Variants in ESRRG observed in about 807,000 individuals in gnomAD.
ESRRG encodes estrogen-related receptor gamma.
In ESRRG, 13 loss-of-function variants were observed where a neutral mutation model predicts 44.0. The ratio of observed to expected loss-of-function variants is 0.30; its 90% confidence interval spans 0.19 to 0.47. The LOEUF (loss-of-function observed/expected upper bound fraction) is 0.47. Among genes scored for constraint, ESRRG ranks in the 20% least tolerant of loss-of-function variants. ESRRG has a pLI of 1.00. For synonymous variants in ESRRG, 215 were observed against 214.6 expected (o/e 1.00, Z -0.02); for missense variants, 395 against 580.6 (o/e 0.68, Z 3.29).
At chr1:216,588,816 T>C (rs1857401) in intron 3 of ESRRG, among the ~76,000 whole-genome samples, 70,949 of 152,048 alleles carry the variant, frequency 0.47, 18,407 homozygotes, top group African/African-American at 0.71. Flanking sequence ...AAGCAGATAA[T>C]TGATTCATTG....
intron 2 of ESRRG, among the ~76,000 whole-genome samples, chr1:216,880,966 A>G (rs899740288): frequency 6.6e-6 from 1 of 152,202 alleles, no homozygotes; most frequent in Admixed American, 6.5e-5. Flanking sequence ...GAACCTAAAG[A>G]TAAAATATAA....
intron 5 of ESRRG, among the ~76,000 whole-genome samples, chr1:216,529,742 TTAA>T (rs2048731845): frequency 6.6e-6 from 1 of 152,190 alleles, no homozygotes. Context: ...CACGTGAAGT[TTAA>T]TAATAATATT....
Position 216,775,551 on chromosome 1 carries a change from C to CTTTTTTTTTTT in ESRRG, c.-13-98071_-13-98061dup, listed in dbSNP as rs71163765. Among the ~76,000 whole-genome samples, 27 of 74,828 alleles carry CTTTTTTTTTTT rather than the reference C, an allele frequency of 3.6e-4. 3 individuals are homozygous for CTTTTTTTTTTT. The highest frequency in any genetic ancestry group is 5.7e-4 in the Non-Finnish European group (20 of 35,280). 49.1% of individuals were successfully genotyped at this position (74,828 alleles called of 152,430 possible). ...TTCCCACCTAAATAAAATGTCACATCTTTTTTTTTTTTTTTTTTTTTTTTT... is the reference window on the plus strand; with the variant it reads ...TTCCCACCTAAATAAAATGTCACATCTTTTTTTTTTTTTTTTTTTTTTTTTTTTTTTTTTTT... On this transcript the variant is annotated intron_variant, in intron 2 of 7. Transcript: ENST00000359162.
intron 2 of ESRRG, among the ~76,000 whole-genome samples, chr1:216,828,285 G>C (rs551623439): frequency 6.6e-6 from 1 of 152,262 alleles, no homozygotes; most frequent in Non-Finnish European, 1.5e-5. Flanking sequence ...TTGAAAACAA[G>C]CTGTGTTTTT....
At chr1:216,614,730 A>G (rs1574131288) in intron 3 of ESRRG, among the ~76,000 whole-genome samples, 1 of 152,244 alleles carries the variant, frequency 6.6e-6, no homozygotes, top group Admixed American at 6.5e-5. Flanking sequence ...TCAAAAGTCA[A>G]TTGCAATGTC....
intron 1 of ESRRG, among the ~76,000 whole-genome samples, chr1:217,031,266 G>C (rs1223147171): frequency 1.3e-5 from 2 of 152,178 alleles, no homozygotes; most frequent in African/African-American, 4.8e-5. Context: ...CAGAGTTCGG[G>C]TACTACAGTA....
intron 1 of ESRRG, among the ~76,000 whole-genome samples, chr1:216,941,590 A>ACGGTGG (rs1313359903): frequency 6.6e-6 from 1 of 152,058 alleles, no homozygotes; most frequent in Admixed American, 6.6e-5. Context: ...GCGAGGGGAG[A>ACGGTGG]CGGTGGGGCA....
At chr1:216,547,559 A>C (rs938928738) in intron 5 of ESRRG, among the ~76,000 whole-genome samples, 1 of 152,058 alleles carries the variant, frequency 6.6e-6, no homozygotes, top group Non-Finnish European at 1.5e-5. Context: ...TGCTGACATC[A>C]CCCTGTCAAT....
intron 1 of ESRRG, among the ~76,000 whole-genome samples, chr1:217,011,380 G>A (rs1023225403): frequency 1.3e-5 from 2 of 152,168 alleles, no homozygotes; most frequent in Non-Finnish European, 2.9e-5. Context: ...AACCAAGGCT[G>A]GCCTTCCTTG....
chr1:216,900,961 C>T (rs941428635), intron 2 of ESRRG, among the ~76,000 whole-genome samples: 6 of 152,052 alleles, frequency 3.9e-5, no homozygotes, highest in Admixed American at 2.6e-4. Context: ...TGCAGGGAGC[C>T]CAAATTTCTC....
chr1:217,075,900 C>G (rs1164181198), intron 1 of ESRRG, among the ~76,000 whole-genome samples: 1 of 152,064 alleles, frequency 6.6e-6, no homozygotes, highest in Non-Finnish European at 1.5e-5. Flanking sequence ...AAATTATAAC[C>G]CTCATGCTTT....
At chr1:217,040,513 C>T (rs577239762) in intron 1 of ESRRG, among the ~76,000 whole-genome samples, 1 of 152,168 alleles carries the variant, frequency 6.6e-6, no homozygotes, top group East Asian at 1.9e-4. Context: ...AAAGCTATTG[C>T]TTTAGTTAAG....
In ESRRG at chr1:216,648,555, C is replaced by T. The variant is rs558675388; in HGVS notation, c.589+2418G>A. 1.2e-4 allele frequency among the ~76,000 whole-genome samples: 18 copies of T among 152,152 alleles called. No homozygotes were observed. In the South Asian group the frequency reaches 1.5e-3, roughly 12 times the overall value. On this transcript the variant is annotated intron_variant, in intron 3 of 6. Transcript: ENST00000408911. ...TTCACACCTCTTCATTCACTCTTAC[C>T]GCCCTTCAGGATTGTTCCTGCTAGA... is the stretch of plus-strand genomic sequence containing the variant.
chr1:216,983,031 GTTTTTTT>G (rs9308379), intron 1 of ESRRG, among the ~76,000 whole-genome samples: 1 of 133,030 alleles, frequency 7.5e-6, no homozygotes, highest in Non-Finnish European at 1.6e-5. Context: ...ACTTTGAACT[GTTTTTTT>G]TTTTTTTTTT....
chr1:216,510,687 C>T (rs2042449610), intron 6 of ESRRG, among the ~76,000 whole-genome samples: 1 of 152,062 alleles, frequency 6.6e-6, no homozygotes, highest in African/African-American at 2.4e-5. Context: ...AGATCGAGAC[C>T]ATCCTGGCTA....
intron 2 of ESRRG, among the ~76,000 whole-genome samples, chr1:216,731,585 C>A (rs147092984): frequency 3.3e-5 from 5 of 152,278 alleles, no homozygotes; most frequent in African/African-American, 1.2e-4. Flanking sequence ...GAGTAAGATT[C>A]CCTGGTTCAA....
At chr1:216,651,637 C>G (rs1048473258) in intron 2 of ESRRG, among the ~76,000 whole-genome samples, 1 of 152,052 alleles carries the variant, frequency 6.6e-6, no homozygotes, top group Non-Finnish European at 1.5e-5. Flanking sequence ...CTTACCAGAG[C>G]CTTACAACAC....
chr1:216,540,007 A>T (rs2052221555), intron 5 of ESRRG, among the ~76,000 whole-genome samples: 1 of 152,010 alleles, frequency 6.6e-6, no homozygotes, highest in Non-Finnish European at 1.5e-5. Context: ...TCATAATTTA[A>T]CCAAGAAATT....
At chr1:216,632,260 C>T (rs1054850879) in intron 3 of ESRRG, among the ~76,000 whole-genome samples, 1 of 152,146 alleles carries the variant, frequency 6.6e-6, no homozygotes, top group South Asian at 2.1e-4. Context: ...GTCTCATTTT[C>T]AAAGCAATAT....
Sources: gnomAD v4.1 joint callset for allele counts (sites outside exome capture counted in the v4.1 genomes callset) on GRCh38, gnomAD v4.1.1 for gene constraint, MANE v1.5 for transcripts, NCBI Gene and HGNC (gene_info 2026-07-23, HGNC 2026-07-21) for gene names.